The following SHISA9 variants were observed in gnomAD, a reference collection of about 807,000 sequenced individuals.
The protein encoded by SHISA9 is protein shisa-9.
Under a neutral mutation model 38.0 loss-of-function variants are expected in SHISA9, and 13 were observed. That is an observed-to-expected ratio of 0.34 (90% CI 0.22 to 0.54). The LOEUF is 0.54. Among genes scored for constraint, SHISA9 ranks in the 20% least tolerant of loss-of-function variants. The pLI is 0.91. For synonymous variants in SHISA9, 275 were observed against 242.0 expected, an observed-to-expected ratio of 1.14 and a Z score of -1.27; for missense variants, 538 against 575.8, an observed-to-expected ratio of 0.93 and a Z score of 0.67.
chr16:13,522,151 A>G, the SHISA9 span, among the ~76,000 whole-genome samples: 1 of 152,174 alleles, frequency 6.6e-6, no homozygotes, highest in Non-Finnish European at 1.5e-5. Flanking sequence ...AGAGGAGATC[A>G]TTGTTAGCAA....
At chr16:13,464,920 T>C in the SHISA9 span, among the ~76,000 whole-genome samples, 1 of 151,230 alleles carries the variant, frequency 6.6e-6, no homozygotes. Context: ...CTCAAACAGA[T>C]AGACAGCTTT....
intron 2 of SHISA9, 99 bp downstream of exon 2, chr16:12,916,914 C>A: frequency 7.5e-7 from 1 of 1,340,824 alleles, no homozygotes; most frequent in Non-Finnish European, 9.9e-7. Flanking sequence ...TAGTTAAGAG[C>A]TCTTTGTGGG....
At chr16:13,195,433 A>AAT (rs751384040) in intron 2 of SHISA9, among the ~76,000 whole-genome samples, 22 of 152,234 alleles carry the variant, frequency 1.4e-4, no homozygotes, top group Non-Finnish European at 2.6e-4. Context: ...TACATGATTG[A>AAT]ATCAATACAT....
intron 2 of SHISA9, among the ~76,000 whole-genome samples, chr16:12,918,788 G>A (rs2141724130): frequency 6.6e-6 from 1 of 152,160 alleles, no homozygotes; most frequent in South Asian, 2.1e-4. Flanking sequence ...AATTCTAGAA[G>A]TCATTCTACA....
intron 2 of SHISA9, among the ~76,000 whole-genome samples, chr16:12,939,476 T>G (rs1036764358): frequency 6.6e-6 from 1 of 152,224 alleles, no homozygotes. Flanking sequence ...TGTGCACTGG[T>G]CACAAGCCCT....
chr16:13,268,654 T>G, the SHISA9 span, among the ~76,000 whole-genome samples: 1 of 152,178 alleles, frequency 6.6e-6, no homozygotes, highest in Non-Finnish European at 1.5e-5. Context: ...ATCCTCAATG[T>G]GAGCGTATTT....
At chr16:13,500,812 T>A in the SHISA9 span, among the ~76,000 whole-genome samples, 2 of 152,134 alleles carry the variant, frequency 1.3e-5, no homozygotes, top group Non-Finnish European at 2.9e-5. Flanking sequence ...GCTTATTGGA[T>A]TAATATAGGG....
intron 2 of SHISA9, among the ~76,000 whole-genome samples, chr16:12,939,894 G>C (rs999835465): frequency 6.6e-6 from 1 of 152,228 alleles, no homozygotes; most frequent in African/African-American, 2.4e-5. Flanking sequence ...ATCTGGGACT[G>C]GGGCTGTGAT....
At chr16:13,469,397 G>GAAAT in the SHISA9 span, among the ~76,000 whole-genome samples, 16 of 121,326 alleles carry the variant, frequency 1.3e-4, no homozygotes, top group African/African-American at 5.1e-4. Flanking sequence ...AAGAAAGAAA[G>GAAAT]AAAGAAAGAA....
chr16:13,296,968 A>G, the SHISA9 span, among the ~76,000 whole-genome samples: 1 of 151,990 alleles, frequency 6.6e-6, no homozygotes, highest in Admixed American at 6.6e-5. Flanking sequence ...TACAAAAACA[A>G]CAAAGAGAAT....
intron 1 of SHISA9, chr16:12,910,769 A>G (rs2071172032): frequency 1.0e-6 from 1 of 968,892 alleles, no homozygotes; most frequent in Non-Finnish European, 1.2e-6. Context: ...ACAAATATAC[A>G]AAGAGATTCA....
At chr16:13,213,654 G>A (rs1306647666) in intron 4 of SHISA9, among the ~76,000 whole-genome samples, 1 of 152,148 alleles carries the variant, frequency 6.6e-6, no homozygotes, top group Admixed American at 6.5e-5. Flanking sequence ...GGGGCGGGGC[G>A]GGGGAAGAAC....
chr16:13,142,852 T>C (rs890115675), intron 2 of SHISA9, among the ~76,000 whole-genome samples: 22 of 152,132 alleles, frequency 1.4e-4, no homozygotes, highest in African/African-American at 5.1e-4. Context: ...TTCAGGATGC[T>C]ATAGAGACTG....
intron 2 of SHISA9, among the ~76,000 whole-genome samples, chr16:12,977,576 TC>T (rs1253228656): frequency 7.2e-5 from 11 of 152,136 alleles, no homozygotes; most frequent in Non-Finnish European, 1.5e-4. Context: ...CAAATGCCCA[TC>T]CGTGATAGAC....
chr16:13,255,841 C>T, the SHISA9 span, among the ~76,000 whole-genome samples: 1 of 152,150 alleles, frequency 6.6e-6, no homozygotes, highest in Admixed American at 6.5e-5. Context: ...CACTATCTTT[C>T]CTCAAGTTTG....
the SHISA9 span, among the ~76,000 whole-genome samples, chr16:13,286,402 A>G: frequency 2.6e-5 from 4 of 152,012 alleles, no homozygotes; most frequent in African/African-American, 9.7e-5. Context: ...TTTATATCCT[A>G]TTTTTCAGTA....
At chr16:13,396,523 A>T in the SHISA9 span, among the ~76,000 whole-genome samples, 1 of 151,930 alleles carries the variant, frequency 6.6e-6, no homozygotes, top group East Asian at 1.9e-4. Context: ...AGAAATCAAT[A>T]TTAAGGGCTC....
the SHISA9 span, among the ~76,000 whole-genome samples, chr16:13,390,011 C>G: frequency 1.3e-5 from 2 of 152,186 alleles, no homozygotes; most frequent in Non-Finnish European, 2.9e-5. Flanking sequence ...CTTTGAAGAT[C>G]CCAACTGACA....
At chr16:13,358,785 A>T in the SHISA9 span, among the ~76,000 whole-genome samples, 1 of 152,146 alleles carries the variant, frequency 6.6e-6, no homozygotes, top group South Asian at 2.1e-4. Context: ...AGCTGTAATA[A>T]CCTTTCTCTT....
Sources: gnomAD v4.1 joint callset for allele counts (sites outside exome capture counted in the v4.1 genomes callset) on GRCh38, gnomAD v4.1.1 for gene constraint, MANE v1.5 for transcripts, NCBI Gene and HGNC (gene_info 2026-07-23, HGNC 2026-07-21) for gene names.